HYAL4: variants seen among roughly 807,000 people sequenced by gnomAD.
The protein encoded by HYAL4 is hyaluronidase-4.
In HYAL4, 37 loss-of-function variants were observed where a neutral mutation model predicts 35.2. That is an observed-to-expected ratio of 1.05 (90% CI 0.81 to 1.38). HYAL4 has a LOEUF of 1.38. HYAL4 is among the 40% of genes most tolerant of loss of function. HYAL4 has a pLI of 0.00. For synonymous variants in HYAL4, 198 were observed against 203.2 expected, an observed-to-expected ratio of 0.97 and a Z score of 0.22; for missense variants, 572 against 572.4, an observed-to-expected ratio of 1.00 and a Z score of 0.01.
In HYAL4 at chr7:123,857,669, G is replaced by GTTTCTTTCTTTCTTTCTTTCTTTC. The variant is rs200221721; in HGVS notation, c.-52+9552_-52+9575dup. 3.2e-5 allele frequency among the ~76,000 whole-genome samples: 4 copies of GTTTCTTTCTTTCTTTCTTTCTTTC among 124,742 alleles called. No homozygotes were observed. The East Asian group carries it at 6.9e-4, about 22-fold the overall frequency. The allele number at this position is 124,742 out of a possible 152,430, so 81.8% of individuals were successfully genotyped here. A position where few individuals can be genotyped will look rare whatever the true frequency, so the allele number is the denominator to read the frequency against. ...CCTTTCTTTGTTTCTTTCTTTGTTT[G>GTTTCTTTCTTTCTTTCTTTCTTTC]TTTCTTTCTTTCTTTCTTTCTTTCT... is the stretch of plus-strand genomic sequence containing the variant. On this transcript the variant is annotated intron_variant, in intron 2 of 4. Transcript: ENST00000223026.
intron 2 of HYAL4, among the ~76,000 whole-genome samples, chr7:123,854,721 T>C (rs920896183): frequency 2.0e-5 from 3 of 152,230 alleles, no homozygotes; most frequent in African/African-American, 7.2e-5. Context: ...GAGAGTTTTG[T>C]AGATGTCTAT....
At chr7:123,846,498 C>T (rs762978517) in intron 1 of HYAL4, among the ~76,000 whole-genome samples, 32 of 152,086 alleles carry the variant, frequency 2.1e-4, no homozygotes, top group Admixed American at 4.6e-4. Flanking sequence ...CCACCTTGCC[C>T]TCTCAAACAG....
chr7:123,865,216 A>G (rs969160863), intron 2 of HYAL4, among the ~76,000 whole-genome samples: 6 of 152,208 alleles, frequency 3.9e-5, no homozygotes, highest in Admixed American at 3.3e-4. Flanking sequence ...CAAAGCAGGA[A>G]GTATCTGGCA....
At chr7:123,832,372 G>A (rs1434290775) in intron 1 of HYAL4, among the ~76,000 whole-genome samples, 2 of 150,188 alleles carry the variant, frequency 1.3e-5, no homozygotes, top group Non-Finnish European at 2.9e-5. Context: ...TGAGATTTTG[G>A]TGCTGCCATC....
chr7:123,766,643 A>G, the HYAL4 span, among the ~76,000 whole-genome samples: 1 of 152,158 alleles, frequency 6.6e-6, no homozygotes, highest in East Asian at 1.9e-4. Context: ...TGATTATAAA[A>G]CTATTGCTGA....
the HYAL4 span, chr7:123,814,692 A>G: frequency 6.6e-6 from 1 of 152,642 alleles, no homozygotes; most frequent in African/African-American, 2.4e-5. Context: ...GCTGGAAAAA[A>G]TTTCATGAAC....
At chr7:123,857,681 C>CTTTGTTTGTTTGTTTG (rs760557077) in intron 2 of HYAL4, among the ~76,000 whole-genome samples, 39 of 102,070 alleles carry the variant, frequency 3.8e-4, no homozygotes, top group Non-Finnish European at 6.3e-4. Flanking sequence ...TTCTTTCTTT[C>CTTTGTTTGTTTGTTTG]TTTCTTTCTT....
chr7:123,787,990 G>T, the HYAL4 span, among the ~76,000 whole-genome samples: 1 of 152,022 alleles, frequency 6.6e-6, no homozygotes, highest in African/African-American at 2.4e-5. Context: ...TGGGTCTTCG[G>T]CACTCAACAT....
intron 1 of HYAL4, among the ~76,000 whole-genome samples, chr7:123,833,461 T>G (rs1230181962): frequency 1.3e-5 from 2 of 152,228 alleles, no homozygotes; most frequent in Non-Finnish European, 2.9e-5. Flanking sequence ...TTGAGTTTGT[T>G]GTAGATTCTG....
chr7:123,829,334 GCTT>G (rs1805846559), intron 1 of HYAL4: 1 of 151,916 alleles, frequency 6.6e-6, no homozygotes, highest in Non-Finnish European at 1.5e-5. Context: ...TCTCATTATG[GCTT>G]CTTCTGTGAT....
chr7:123,809,520 C>T, the HYAL4 span, among the ~76,000 whole-genome samples: 8 of 151,594 alleles, frequency 5.3e-5, no homozygotes, highest in South Asian at 2.1e-4. Flanking sequence ...CTCAGCCTCC[C>T]GAGTAGCTGG....
intron 2 of HYAL4, among the ~76,000 whole-genome samples, chr7:123,856,497 C>G (rs1375437475): frequency 6.6e-6 from 1 of 152,116 alleles, no homozygotes; most frequent in African/African-American, 2.4e-5. Flanking sequence ...CACTCCAGAC[C>G]CTGTTTGCCT....
At chr7:123,866,702 G>T (rs189620796) in intron 2 of HYAL4, among the ~76,000 whole-genome samples, 6 of 151,674 alleles carry the variant, frequency 4.0e-5, no homozygotes, top group African/African-American at 1.5e-4. Flanking sequence ...TTTACAAAGA[G>T]ATGACTAAAA....
chr7:123,779,948 A>G, the HYAL4 span, among the ~76,000 whole-genome samples: 1 of 152,176 alleles, frequency 6.6e-6, no homozygotes, highest in East Asian at 1.9e-4. Context: ...ACTATCATAC[A>G]ATGACAAGTA....
the HYAL4 span, among the ~76,000 whole-genome samples, chr7:123,793,466 A>G: frequency 1.3e-5 from 2 of 152,170 alleles, no homozygotes; most frequent in African/African-American, 4.8e-5. Flanking sequence ...CCCAAATCTT[A>G]TCTTGAATTG....
chr7:123,775,327 G>A, the HYAL4 span, among the ~76,000 whole-genome samples: 1 of 152,112 alleles, frequency 6.6e-6, no homozygotes, highest in African/African-American at 2.4e-5. Context: ...TACTCAAGAG[G>A]CTGAGGCGAG....
At chr7:123,837,500 A>G (rs1805983329) in intron 1 of HYAL4, among the ~76,000 whole-genome samples, 1 of 152,198 alleles carries the variant, frequency 6.6e-6, no homozygotes. Flanking sequence ...AACACTGAAC[A>G]GAATATTAAC....
intron 2 of HYAL4, among the ~76,000 whole-genome samples, chr7:123,857,681 C>CTTTGTTTGTTTGTTTGTTTGTTTG (rs760557077): frequency 1.2e-4 from 12 of 102,070 alleles, no homozygotes; most frequent in African/African-American, 3.9e-4. Flanking sequence ...TTCTTTCTTT[C>CTTTGTTTGTTTGTTTGTTTGTTTG]TTTCTTTCTT....
At chr7:123,859,238 C>T (rs919259241) in intron 2 of HYAL4, among the ~76,000 whole-genome samples, 1 of 152,026 alleles carries the variant, frequency 6.6e-6, no homozygotes, top group Non-Finnish European at 1.5e-5. Context: ...ATCATTTTTT[C>T]ATATCCAATT....
Sources: gnomAD v4.1 joint callset for allele counts (sites outside exome capture counted in the v4.1 genomes callset) on GRCh38, gnomAD v4.1.1 for gene constraint, MANE v1.5 for transcripts, NCBI Gene and HGNC (gene_info 2026-07-23, HGNC 2026-07-21) for gene names.